Variants in CEP295 observed in about 807,000 individuals in gnomAD.
The protein encoded by CEP295 is centrosomal protein 295, also known as centrosomal protein of 295 kDa.
A neutral mutation model predicts 291.6 loss-of-function variants in CEP295; 190 were observed. The ratio of observed to expected loss-of-function variants is 0.65; its 90% CI spans 0.58 to 0.73. CEP295 has a LOEUF of 0.73. CEP295 is among the 30% of genes least tolerant of loss of function. The pLI is 0.00. For missense variants in CEP295, 2,863 were observed against 2,949.4 expected (o/e 0.97, Z 0.68); for synonymous variants, 993 against 1,038.8 (o/e 0.96, Z 0.85).
chr11:93,665,424 T>G (rs1950162390), intron 1 of CEP295, among the ~76,000 whole-genome samples: 1 of 152,154 alleles, frequency 6.6e-6, no homozygotes, highest in African/African-American at 2.4e-5. Context: ...AGAATAGATC[T>G]GGGCCGGGCG....
Position 93,667,667 on chromosome 11 carries a change from A to G in CEP295, c.169A>G (p.Asn57Asp). ...QIREDIKQRR[N>D]QQFTRLAEEL... ...AAGAGAAGACATAAAACAGAGGAGA[A>G]ATCAACAATTTACACGTTTGGCAGA... Residue 57 changes from asparagine (N) to aspartate (D), a missense_variant, in exon 3 of 30, where the codon AAT becomes GAT. Asn to Asp is a conservative substitution (Grantham distance 23). Around this residue, in one of 3 missense-constraint regions of CEP295, gnomAD observed 554 missense variants for 576.0 expected, o/e 0.96. Transcript: ENST00000325212. 1 of 1,551,586 alleles carries G rather than the reference A, an allele frequency of 6.4e-7. No individual in the cohort carries two copies. Among genetic ancestry groups the G allele is most frequent in the Admixed American group, 2.0e-5 (1 of 50,988 alleles).
At chr11:93,719,005 G>A (rs1413595500) in intron 18 of CEP295, among the ~76,000 whole-genome samples, 3 of 152,144 alleles carry the variant, frequency 2.0e-5, no homozygotes, top group Non-Finnish European at 4.4e-5. Flanking sequence ...CTACTCAGGA[G>A]GCAGAGGCAG....
At position 93,730,167 on chromosome 11, in the gene CEP295, G is replaced by A; in HGVS notation, c.7767+19G>A. ...CCATAAGGTGAGTATAACTGAGGGA[G>A]AAGGACTTAATTTTTCAAGCATGAA... On this transcript the variant is annotated intron_variant, in intron 29 of 29. Coordinates refer to ENST00000325212, the MANE Select transcript of CEP295 (RefSeq NM_033395.2). The A allele has an allele frequency of 6.4e-7, 1 of 1,550,898 alleles. No individual in the cohort carries two copies. The highest frequency in any genetic ancestry group is 8.7e-7 in the Non-Finnish European group (1 of 1,146,626).
intron 9 of CEP295, among the ~76,000 whole-genome samples, chr11:93,685,061 C>G (rs537577288): frequency 1.3e-5 from 2 of 152,366 alleles, no homozygotes; most frequent in East Asian, 3.9e-4. Context: ...CTAAAACTGT[C>G]TCTACCTGTC....
chr11:93,715,908 A>AGGG (rs1247207822), intron 18 of CEP295, among the ~76,000 whole-genome samples: 1 of 151,838 alleles, frequency 6.6e-6, no homozygotes, highest in Non-Finnish European at 1.5e-5. Context: ...AAGCAGAAGG[A>AGGG]GGGGGTCTCT....
intron 18 of CEP295, among the ~76,000 whole-genome samples, chr11:93,713,891 C>T (rs377698486): frequency 6.6e-6 from 1 of 152,120 alleles, no homozygotes. Flanking sequence ...TTTCAAATAA[C>T]CTGTCTTCAG....
intron 13 of CEP295, among the ~76,000 whole-genome samples, chr11:93,695,881 C>T (rs931959376): frequency 6.6e-6 from 1 of 151,934 alleles, no homozygotes; most frequent in Non-Finnish European, 1.5e-5. Context: ...CATGGTGGCA[C>T]GTGCCTGTAA....
In CEP295 at chr11:93,698,209, T is replaced by C. The variant is rs772249999; in HGVS notation, c.3297T>C (p.Ser1099=). The change falls in exon 15 of 30, where the codon TCT becomes TCC. Residue 1099 remains serine (S), a synonymous_variant. Coordinates refer to ENST00000325212, the MANE Select transcript of CEP295 (RefSeq NM_033395.2). The part of the protein sequence containing the change: ...LGDSKSGLVS[S]SSSPVVVQHS... ...ACAGTAAGTCTGGGCTGGTGAGCTC[T>C]TCATCCTCACCAGTGGTTGTTCAGC... 15 of 1,551,706 alleles carry C rather than the reference T, an allele frequency of 9.7e-6. No homozygotes were observed. The highest frequency in any genetic ancestry group is 1.4e-5 in the African/African-American group (1 of 73,044).
chr11:93,729,158 TA>T (rs1937934296), intron 25 of CEP295: 1 of 504,940 alleles, frequency 2.0e-6, no homozygotes, highest in South Asian at 3.2e-5. Flanking sequence ...ACTAGGGGAG[TA>T]GGGAGGCAAT....
intron 9 of CEP295, among the ~76,000 whole-genome samples, chr11:93,686,105 G>A (rs1286512858): frequency 1.3e-5 from 2 of 150,942 alleles, no homozygotes. Flanking sequence ...GATCATTTGA[G>A]TTCAGGAATT....
intron 15 of CEP295, among the ~76,000 whole-genome samples, 161 bp downstream of exon 15, chr11:93,700,347 C>T (rs911661852): frequency 5.9e-5 from 9 of 151,862 alleles, no homozygotes; most frequent in African/African-American, 2.2e-4. Context: ...AAACAAAAAT[C>T]GATCCACCCA....
intron 18 of CEP295, among the ~76,000 whole-genome samples, chr11:93,719,068 T>C (rs1953481924): frequency 6.6e-6 from 1 of 151,778 alleles, no homozygotes; most frequent in Admixed American, 6.6e-5. Flanking sequence ...AGATCGTGCC[T>C]CTGCACTCCA....
chr11:93,727,204 A>C lies in CEP295; in HGVS notation c.6728A>C (p.Asp2243Ala). 6.4e-7 allele frequency: 1 copy of C among 1,551,506 alleles called. No homozygotes were observed. Among genetic ancestry groups the C allele is most frequent in the Non-Finnish European group, 8.7e-7 (1 of 1,146,858 alleles). ...GNLSSVYSSS[D>A]EANVFDQLNV... ...TTAAGTTCAGTCTACAGTTCATCTG[A>C]TGAAGCTAATGTATTTGATCAGTTA... The change falls in exon 24 of 30, where the codon GAT becomes GCT. Residue 2243 changes from aspartate (D) to alanine (A), a missense_variant. Around this residue, in one of 3 missense-constraint regions of CEP295, gnomAD observed 2,295 missense variants for 2,335.7 expected, o/e 0.98. Transcript: ENST00000325212.
At position 93,683,725 on chromosome 11, in the gene CEP295, T is replaced by C. The variant is rs1951085616; in HGVS notation, c.932T>C (p.Met311Thr). 21 of 1,542,430 alleles carry C rather than the reference T, an allele frequency of 1.4e-5. 1 individual carries two copies. Among genetic ancestry groups the C allele is most frequent in the Non-Finnish European group, 1.6e-5 (18 of 1,144,940 alleles). ...GAATTGGAATTTGCCTTTGAAGATA[T>C]GTACAATGCAGACAGGAGTAAGATA... ...QRELEFAFED[M>T]YNADRKVKGN... is the part of the protein sequence containing the mutation. The change falls in exon 8 of 30, where the codon ATG becomes ACG. Residue 311 changes from methionine to threonine, a missense_variant. Physicochemically the swap from Met to Thr is moderately conservative, Grantham distance 81 (BLOSUM62 -1). Around this residue, in one of 3 missense-constraint regions of CEP295, gnomAD observed 554 missense variants for 576.0 expected, o/e 0.96. Transcript: ENST00000325212.
intron 5 of CEP295, among the ~76,000 whole-genome samples, chr11:93,673,953 T>TA (rs1950566865): frequency 8.8e-6 from 1 of 113,834 alleles, no homozygotes; most frequent in Admixed American, 8.3e-5. Context: ...TCCCCCCTTC[T>TA]TTTTTTTTTT....
chr11:93,701,190 C>T (rs1478856761), intron 15 of CEP295, among the ~76,000 whole-genome samples: 1 of 152,090 alleles, frequency 6.6e-6, no homozygotes, highest in East Asian at 1.9e-4. Context: ...CATGGCAAAA[C>T]CCTGTCTCTA....
chr11:93,682,824 G>A (rs527440492), intron 7 of CEP295, among the ~76,000 whole-genome samples: 4 of 151,964 alleles, frequency 2.6e-5, no homozygotes, highest in Admixed American at 6.6e-5. Context: ...TGAATATCCC[G>A]TGCCTTCATC....
chr11:93,706,669 A>G lies in CEP295; in HGVS notation c.5597-76A>G, dbSNP rs560090647. On this transcript the variant is annotated intron_variant, in intron 17 of 29. Coordinates refer to ENST00000325212, the MANE Select transcript of CEP295 (RefSeq NM_033395.2). ...TCTTTAAGAGCTTAGATTTCTACCC[A>G]TAATATAAATTGGCACTTTAGTTCT... 6 of 1,252,182 alleles carry G rather than the reference A, an allele frequency of 4.8e-6. No individual in the cohort carries two copies. In the South Asian group the frequency reaches 8.4e-5, roughly 17 times the overall value. 77.6% of individuals were successfully genotyped at this position (1,252,182 alleles called of 1,614,324 possible).
rs772370244 is a variant in CEP295 at position 93,683,649 on chromosome 11, C to G, written c.856C>G (p.Leu286Val). The change falls in exon 8 of 30, where the codon CTA (leucine) becomes GTA (valine). Residue 286 changes from leucine (L) to valine (V), a missense_variant. By Grantham distance (32) the Leu-to-Val change is conservative. Coordinates refer to ENST00000325212, the MANE Select transcript of CEP295 (RefSeq NM_033395.2). Reference protein sequence around the residue: ...RQTVAQMPPQLVELPYKRSEM... With the variant: ...RQTVAQMPPQVVELPYKRSEM... ...GACTGTAGCACAAATGCCACCACAA[C>G]TAGTTGAACTTCCATACAAACGCAG... 4.1e-5 allele frequency: 64 copies of G among 1,549,878 alleles called. No individual in the cohort carries two copies. Among genetic ancestry groups the G allele is most frequent in the Middle Eastern group, 1.7e-4 (1 of 6,008 alleles).
Sources: gnomAD v4.1 joint callset for allele counts (sites outside exome capture counted in the v4.1 genomes callset) on GRCh38, gnomAD v4.1.1 for gene constraint, gnomAD v4.1.1 regional missense constraint, MANE v1.5 for transcripts, NCBI Gene and HGNC (gene_info 2026-07-23, HGNC 2026-07-21) for gene names.